Variants in SOX6 observed in about 807,000 individuals in gnomAD.
The protein encoded by SOX6 is transcription factor SOX-6.
SOX6 carries 11 observed loss-of-function variants against 97.8 expected under a neutral mutation model. The observed-to-expected ratio is 0.11, with a 90% confidence interval of 0.07 to 0.19. The LOEUF (loss-of-function observed/expected upper bound fraction) is 0.19. SOX6 is among the 10% of genes least tolerant of loss of function. The probability of loss-of-function intolerance (pLI) is 1.00; values close to 1 mark genes in which losing one functional copy is unlikely to be tolerated. For missense variants in SOX6, 810 were observed against 1,039.5 expected (o/e 0.78, Z 3.04); for synonymous variants, 360 against 371.4 (o/e 0.97, Z 0.35).
At chr11:16,271,544 A>T (rs2134230079) in intron 3 of SOX6, among the ~76,000 whole-genome samples, 1 of 151,530 alleles carries the variant, frequency 6.6e-6, no homozygotes, top group East Asian at 1.9e-4. Context: ...CTCTATGGAA[A>T]TCAATCTCTT....
intron 4 of SOX6, among the ~76,000 whole-genome samples, chr11:16,487,183 C>A (rs973592508): frequency 3.3e-5 from 5 of 151,824 alleles, no homozygotes; most frequent in Admixed American, 2.0e-4. Context: ...TGTTTTTTAA[C>A]AATAAAATAA....
intron 13 of SOX6, among the ~76,000 whole-genome samples, chr11:15,996,153 G>C (rs749274307): frequency 1.3e-5 from 2 of 151,954 alleles, no homozygotes; most frequent in Non-Finnish European, 2.9e-5. Flanking sequence ...TCGTATTGTG[G>C]GACTTATAAC....
rs566910481 is a variant in SOX6 at position 16,573,860 on chromosome 11, T to C, written n.609+38221A>G. 6.6e-5 allele frequency among the ~76,000 whole-genome samples: 10 copies of C among 152,296 alleles called. No individual in the cohort carries two copies. The East Asian group carries it at 1.9e-3, about 29-fold the overall frequency. On this transcript the variant is annotated intron_variant and non_coding_transcript_variant, in intron 4 of 5. Transcript: ENST00000524520. ...CCTCTTCTGAATCCTTAAGCTATTG[T>C]TTGTATTGTTCACTTATCAAATAAC...
At chr11:15,974,982 C>G (rs1232231105) in intron 15 of SOX6, among the ~76,000 whole-genome samples, 1 of 152,168 alleles carries the variant, frequency 6.6e-6, no homozygotes, top group Non-Finnish European at 1.5e-5. Flanking sequence ...CATTGGCTGA[C>G]TTGAATCCCA....
At chr11:16,215,593 G>A (rs920257697) in intron 4 of SOX6, among the ~76,000 whole-genome samples, 2 of 152,074 alleles carry the variant, frequency 1.3e-5, no homozygotes, top group African/African-American at 2.4e-5. Flanking sequence ...TCACTGTTGC[G>A]TTGTAGATCA....
At chr11:16,398,255 G>A (rs545920834) in intron 1 of SOX6, among the ~76,000 whole-genome samples, 2 of 151,618 alleles carry the variant, frequency 1.3e-5, no homozygotes, top group East Asian at 3.9e-4. Context: ...CAGAATAAAA[G>A]TATGTACCTT....
intron 1 of SOX6, among the ~76,000 whole-genome samples, chr11:16,409,337 G>A (rs530158172): frequency 6.6e-6 from 1 of 150,638 alleles, no homozygotes; most frequent in Admixed American, 6.6e-5. Flanking sequence ...AGCTATGTTG[G>A]GTTTATGTTT....
chr11:16,117,026 C>T (rs1465782889), intron 6 of SOX6, among the ~76,000 whole-genome samples: 1 of 152,108 alleles, frequency 6.6e-6, no homozygotes, highest in East Asian at 1.9e-4. Flanking sequence ...GATGGCTGCC[C>T]TAGTGTGTTA....
chr11:16,473,782 C>T (rs750864408), intron 1 of SOX6, among the ~76,000 whole-genome samples: 3 of 152,086 alleles, frequency 2.0e-5, no homozygotes, highest in Non-Finnish European at 4.4e-5. Context: ...GAACTCCTGA[C>T]CTTGTGATCC....
At chr11:16,322,427 C>T (rs1244035604) in intron 2 of SOX6, among the ~76,000 whole-genome samples, 2 of 152,144 alleles carry the variant, frequency 1.3e-5, no homozygotes, top group Admixed American at 6.6e-5. Context: ...GAGGCCTCCC[C>T]AGCCATGCTT....
intron 2 of SOX6, among the ~76,000 whole-genome samples, chr11:16,722,191 T>C (rs1564877614): frequency 6.6e-6 from 1 of 151,854 alleles, no homozygotes; most frequent in Non-Finnish European, 1.5e-5. Flanking sequence ...ACTTAAGAAA[T>C]TCTACACAGC....
In SOX6 at chr11:16,136,760, A is replaced by G. The variant is rs544589916; in HGVS notation, c.778-24837T>C. Reference sequence around the variant, plus strand: ...CAACATAACTTTTATATGCATTGGGAAACCAAAAAATTCATGCAACTCATT... The same window carrying G: ...CAACATAACTTTTATATGCATTGGGGAACCAAAAAATTCATGCAACTCATT... On this transcript the variant is annotated intron_variant, in intron 6 of 15. Coordinates refer to ENST00000683767, the MANE Select transcript of SOX6 (RefSeq NM_001367873.1). Among the ~76,000 whole-genome samples, 6 of 152,268 alleles carry G rather than the reference A, an allele frequency of 3.9e-5. No individual in the cohort carries two copies. In the East Asian group the frequency reaches 9.7e-4, roughly 25 times the overall value.
chr11:16,067,731 T>C (rs1368947063), intron 9 of SOX6, among the ~76,000 whole-genome samples: 2 of 152,212 alleles, frequency 1.3e-5, no homozygotes, highest in African/African-American at 4.8e-5. Context: ...CATTATATGA[T>C]GTGATTATTA....
At chr11:16,287,294 T>TCACACACA (rs1257485756) in intron 3 of SOX6, among the ~76,000 whole-genome samples, 5 of 112,686 alleles carry the variant, frequency 4.4e-5, no homozygotes, top group African/African-American at 1.3e-4. Context: ...TCTCTCTCTC[T>TCACACACA]CTCTCACACA....
intron 1 of SOX6, among the ~76,000 whole-genome samples, chr11:16,446,576 T>TTCTCCAA: frequency 6.6e-6 from 1 of 152,218 alleles, no homozygotes; most frequent in Middle Eastern, 3.4e-3. Flanking sequence ...CCCAAACAAT[T>TTCTCCAA]TCTCCAATGT....
chr11:16,231,376 TG>T (rs1852845800), intron 4 of SOX6, among the ~76,000 whole-genome samples: 1 of 151,740 alleles, frequency 6.6e-6, no homozygotes, highest in Non-Finnish European at 1.5e-5. Context: ...TGCAAATTAA[TG>T]TAGATATAAC....
chr11:16,249,051 A>G (rs890981931), intron 3 of SOX6, among the ~76,000 whole-genome samples: 7 of 151,662 alleles, frequency 4.6e-5, no homozygotes, highest in African/African-American at 1.7e-4. Context: ...CAGTGAGCCA[A>G]GATCGCACCA....
intron 3 of SOX6, among the ~76,000 whole-genome samples, chr11:16,614,868 T>C (rs548181790): frequency 6.6e-6 from 1 of 152,350 alleles, no homozygotes; most frequent in South Asian, 2.1e-4. Flanking sequence ...TAGGGAACTA[T>C]TTTGTTTTAT....
Position 16,318,433 on chromosome 11 carries a change from A to G in SOX6, c.445+13T>C, listed in dbSNP as rs1296517934. 6.2e-7 allele frequency: 1 copy of G among 1,612,462 alleles called. No homozygotes were observed. The highest frequency in any genetic ancestry group is 1.1e-5 in the South Asian group (1 of 91,042). On this transcript the variant is annotated intron_variant, in intron 3 of 15. Transcript: ENST00000683767. ...GAAAAAAAACAGAGCCCAACAGTGA[A>G]GTCCACACATACCCTCTTGTTCAGT...
Sources: gnomAD v4.1 joint callset for allele counts (sites outside exome capture counted in the v4.1 genomes callset) on GRCh38, gnomAD v4.1.1 for gene constraint, MANE v1.5 for transcripts, NCBI Gene and HGNC (gene_info 2026-07-23, HGNC 2026-07-21) for gene names.